The following APOBEC1 variants were observed in gnomAD, a reference collection of about 807,000 sequenced individuals.
APOBEC1 encodes the protein apolipoprotein B mRNA editing enzyme catalytic subunit 1, also known as C->U-editing enzyme APOBEC-1.
Under a neutral mutation model 26.3 loss-of-function variants are expected in APOBEC1, and 22 were observed. The observed-to-expected ratio is 0.84, with a 90% confidence interval of 0.60 to 1.19. The LOEUF (loss-of-function observed/expected upper bound fraction) is 1.19, where lower values mean the gene tolerates loss of function less well. Ranked by LOEUF, APOBEC1 falls within the 50% of genes most tolerant of loss-of-function variation. The probability of loss-of-function intolerance (pLI) is 0.00; values close to 1 mark genes in which losing one functional copy is unlikely to be tolerated. For missense variants in APOBEC1, 253 were observed against 289.0 expected (o/e 0.88, Z 0.90); for synonymous variants, 77 against 95.3 (o/e 0.81, Z 1.12).
In APOBEC1 at chr12:7,652,800, T is replaced by C; in HGVS notation, c.80A>G (p.Tyr27Cys). 6 of 1,604,350 alleles carry C rather than the reference T, an allele frequency of 3.7e-6. No individual in the cohort carries two copies. The highest frequency in any genetic ancestry group is 5.1e-6 in the Non-Finnish European group (6 of 1,175,042). ...RIEPWEFDVFYDPRELRKEAC... is the reference protein window; with the variant it reads ...RIEPWEFDVFCDPRELRKEAC... Reference sequence around the variant, plus strand: ...CTCTTTACGAAGTTCTCTGGGGTCATAGAAGACGTCAAACTCCCAGGGTTC... The same window carrying C: ...CTCTTTACGAAGTTCTCTGGGGTCACAGAAGACGTCAAACTCCCAGGGTTC... Residue 27 changes from tyrosine to cysteine, a missense_variant, in exon 3 of 5, where the codon TAT (tyrosine) becomes TGT (cysteine). By Grantham distance (194) the Tyr-to-Cys change is radical. Transcript: ENST00000229304.
chr12:7,657,042 ACG>A (rs1491295372), intron 1 of APOBEC1, among the ~76,000 whole-genome samples: 4 of 112,128 alleles, frequency 3.6e-5, no homozygotes, highest in African/African-American at 1.4e-4. Context: ...TGTTGTATAT[ACG>A]TGTGTGTGTG....
At chr12:7,651,181 T>C (rs769485309) in intron 3 of APOBEC1, 40 bp from the exon 4 acceptor site, 5 of 1,411,018 alleles carry the variant, frequency 3.5e-6, no homozygotes, top group African/African-American at 1.4e-5. Flanking sequence ...ACAAGCACAA[T>C]GGTAAATTAC....
In APOBEC1 at chr12:7,659,584, T is replaced by G. The variant is rs186589242; in HGVS notation, c.17-4952A>C. Among the ~76,000 whole-genome samples the G allele has an allele frequency of 2.0e-3, 303 of 152,032 alleles. 2 individuals are homozygous for G. Among genetic ancestry groups the G allele is most frequent in the African/African-American group, 6.4e-3 (264 of 41,450 alleles). On this transcript the variant is annotated intron_variant, in intron 1 of 4. Coordinates refer to ENST00000229304, the MANE Select transcript of APOBEC1 (RefSeq NM_001644.5). ...AATGCTGGTAAGGATGCAGAGAAAC[T>G]GAATCTGTCATACTTTGCTGGTGGG... is the stretch of plus-strand genomic sequence containing the variant.
intron 1 of APOBEC1, 53 bp downstream of exon 1, chr12:7,665,804 C>CACACACACACA: frequency 7.7e-7 from 1 of 1,306,768 alleles, no homozygotes; most frequent in Non-Finnish European, 1.1e-6. Flanking sequence ...CACACACACA[C>CACACACACACA]ACCATTCTTG....
intron 3 of APOBEC1, among the ~76,000 whole-genome samples, chr12:7,652,112 G>A (rs981819895): frequency 3.8e-4 from 58 of 152,066 alleles, no homozygotes; most frequent in African/African-American, 1.2e-3. Context: ...GTGAGCCACC[G>A]CACCTGGCCG....
chr12:7,661,205 CAA>C (rs35561148), intron 1 of APOBEC1, among the ~76,000 whole-genome samples: 39,123 of 87,984 alleles, frequency 0.44, 4,984 homozygotes, highest in South Asian at 0.54. Context: ...GACTCCGTCT[CAA>C]AAAAAAAAAA....
At chr12:7,660,683 A>C (rs1443883577) in intron 1 of APOBEC1, among the ~76,000 whole-genome samples, 1 of 138,584 alleles carries the variant, frequency 7.2e-6, no homozygotes. Flanking sequence ...ACCCTTGGTG[A>C]CAGAATGAGA....
At chr12:7,665,343 G>A (rs1327717308) in intron 1 of APOBEC1, among the ~76,000 whole-genome samples, 1 of 152,066 alleles carries the variant, frequency 6.6e-6, no homozygotes, top group Non-Finnish European at 1.5e-5. Context: ...TGTTGCCCAG[G>A]CTGGAGTGCA....
At position 7,652,502 on chromosome 12, in the gene APOBEC1, T is replaced by C; in HGVS notation, c.378A>G (p.Gln126=). 2 of 1,614,124 alleles carry C rather than the reference T, an allele frequency of 1.2e-6. No homozygotes were observed. Among genetic ancestry groups the C allele is most frequent in the Non-Finnish European group, 1.7e-6 (2 of 1,180,010 alleles). Residue 126 remains glutamine, a synonymous_variant, in exon 3 of 5, where the codon CAA becomes CAG. Coordinates refer to ENST00000229304, the MANE Select transcript of APOBEC1 (RefSeq NM_001644.5). ...CAAGGTCCCTGAGACCTTGCCGATTTTGTTGATCCATGTGCCAAAAAAGCC... is the reference window on the plus strand; with the variant it reads ...CAAGGTCCCTGAGACCTTGCCGATTCTGTTGATCCATGTGCCAAAAAAGCC... ...VARLFWHMDQ[Q]NRQGLRDLVN...
chr12:7,653,121 G>A (rs1489136554), intron 2 of APOBEC1, among the ~76,000 whole-genome samples: 1 of 151,700 alleles, frequency 6.6e-6, no homozygotes, highest in African/African-American at 2.4e-5. Context: ...TAGTAGAGAC[G>A]GGGTTTCACC....
At chr12:7,661,066 T>C (rs1014601549) in intron 1 of APOBEC1, among the ~76,000 whole-genome samples, 1 of 146,382 alleles carries the variant, frequency 6.8e-6, no homozygotes, top group Non-Finnish European at 1.5e-5. Flanking sequence ...ATTAGCCTGG[T>C]GTGGTGGCAG....
chr12:7,655,169 A>C (rs1468179677), intron 1 of APOBEC1, among the ~76,000 whole-genome samples: 1 of 151,846 alleles, frequency 6.6e-6, no homozygotes. Flanking sequence ...AGATCGCACC[A>C]TTGCACTCCA....
chr12:7,657,373 A>G (rs1863731548), intron 1 of APOBEC1, among the ~76,000 whole-genome samples: 1 of 152,088 alleles, frequency 6.6e-6, no homozygotes, highest in Admixed American at 6.6e-5. Flanking sequence ...TTAAGGCTGG[A>G]GAGAGGTGGA....
intron 1 of APOBEC1, among the ~76,000 whole-genome samples, chr12:7,657,745 G>T (rs1167533600): frequency 2.0e-5 from 3 of 151,946 alleles, no homozygotes; most frequent in Non-Finnish European, 2.9e-5. Flanking sequence ...CTGTAGTGGT[G>T]CATGCCTGTA....
intron 1 of APOBEC1, among the ~76,000 whole-genome samples, chr12:7,658,257 T>C (rs112700769): frequency 0.053 from 8,107 of 152,152 alleles, 224 homozygotes; most frequent in African/African-American, 0.077. Context: ...AGAGACGGGG[T>C]TTCACCATCT....
intron 2 of APOBEC1, among the ~76,000 whole-genome samples, chr12:7,654,248 A>G (rs1003406474): frequency 2.0e-5 from 3 of 152,230 alleles, no homozygotes; most frequent in African/African-American, 7.2e-5. Flanking sequence ...ATCAAAAGAC[A>G]TAAGAGCAAA....
At position 7,651,158 on chromosome 12, in the gene APOBEC1, C is replaced by A; in HGVS notation, c.443-17G>T. On this transcript the variant is annotated splice_polypyrimidine_tract_variant and intron_variant, in intron 3 of 4. Transcript: ENST00000229304. The stretch of plus-strand genomic sequence containing the variant: ...GATAATACTCTAAGGAAACACAAAT[C>A]TTGGCTCATTCAACAAGCACAATGG... The A allele has an allele frequency of 6.4e-7, 1 of 1,561,992 alleles. No homozygotes were observed.
intron 1 of APOBEC1, 71 bp downstream of exon 1, chr12:7,665,786 C>CACAA: frequency 7.4e-7 from 1 of 1,357,006 alleles, no homozygotes; most frequent in Non-Finnish European, 1.1e-6. Flanking sequence ...CACACACACA[C>CACAA]ACACACACAC....
chr12:7,667,906 C>G (rs1863912616), upstream of APOBEC1, among the ~76,000 whole-genome samples: 1 of 106,922 alleles, frequency 9.4e-6, no homozygotes, highest in Non-Finnish European at 1.9e-5. Context: ...AGTGAGACTA[C>G]GTCTAAAAAA....
Sources: gnomAD v4.1 joint callset for allele counts (sites outside exome capture counted in the v4.1 genomes callset) on GRCh38, gnomAD v4.1.1 for gene constraint, MANE v1.5 for transcripts, NCBI Gene and HGNC (gene_info 2026-07-23, HGNC 2026-07-21) for gene names.